HTT: variants seen among roughly 807,000 people sequenced by gnomAD.
HTT encodes the protein huntingtin.
HTT carries 104 observed loss-of-function variants against 362.3 expected under a neutral mutation model. The observed-to-expected ratio is 0.29, with a 90% CI of 0.24 to 0.34. The LOEUF (loss-of-function observed/expected upper bound fraction) is 0.34. HTT is among the 10% of genes least tolerant of loss of function. The probability of loss-of-function intolerance (pLI) is 1.00; values close to 1 mark genes in which losing one functional copy is unlikely to be tolerated. For synonymous variants in HTT, 1,577 were observed against 1,548.7 expected, an observed-to-expected ratio of 1.02 and a Z score of -0.43; for missense variants, 3,301 against 3,928.6, an observed-to-expected ratio of 0.84 and a Z score of 4.27.
intron 29 of HTT, among the ~76,000 whole-genome samples, chr4:3,171,469 A>G (rs1410422286): frequency 6.9e-6 from 1 of 144,432 alleles, no homozygotes; most frequent in African/African-American, 2.6e-5. Flanking sequence ...TTCTTTCTTG[A>G]TTCTTTTTTT....
intron 1 of HTT, among the ~76,000 whole-genome samples, chr4:3,076,414 T>C (rs561095622): frequency 1.6e-4 from 25 of 152,366 alleles, no homozygotes; most frequent in African/African-American, 5.5e-4. Flanking sequence ...GTTTCTGTTA[T>C]GATCCTTGTC....
Position 3,160,399 on chromosome 4 carries a change from G to T in HTT, c.3864+7G>T. ...ACTGCAGGACATTGGGAAGGTTTGTGTCTTGTTTTTTCTCCTTGGGTTGTG... is the reference window on the plus strand; with the variant it reads ...ACTGCAGGACATTGGGAAGGTTTGTTTCTTGTTTTTTCTCCTTGGGTTGTG... On this transcript the variant is annotated splice_region_variant and intron_variant, in intron 29 of 66. Coordinates refer to ENST00000355072, the MANE Select transcript of HTT (RefSeq NM_001388492.1). The T allele has an allele frequency of 6.5e-7, 1 of 1,528,436 alleles. No individual in the cohort carries two copies. The highest frequency in any genetic ancestry group is 2.4e-5 in the East Asian group (1 of 41,170). The allele number at this position is 1,528,436 out of a possible 1,614,324, so 94.7% of individuals were successfully genotyped here.
At chr4:3,161,253 A>G (rs898425468) in intron 29 of HTT, among the ~76,000 whole-genome samples, 13 of 152,152 alleles carry the variant, frequency 8.5e-5, no homozygotes, top group African/African-American at 3.1e-4. Context: ...ACATGAACTC[A>G]TCCTTTTTTA....
chr4:3,105,916 G>A (rs892838235), intron 5 of HTT, among the ~76,000 whole-genome samples: 2 of 152,172 alleles, frequency 1.3e-5, no homozygotes, highest in African/African-American at 4.8e-5. Flanking sequence ...GTATCTTAAC[G>A]GATTGAGAAA....
intron 9 of HTT, among the ~76,000 whole-genome samples, chr4:3,122,232 T>C (rs1292740659): frequency 6.6e-6 from 1 of 152,220 alleles, no homozygotes; most frequent in Non-Finnish European, 1.5e-5. Flanking sequence ...TGGTGGGTCC[T>C]GTCTGGCATG....
intron 29 of HTT, among the ~76,000 whole-genome samples, chr4:3,169,721 G>C (rs556926679): frequency 1.4e-4 from 22 of 151,972 alleles, no homozygotes; most frequent in Admixed American, 3.9e-4. Flanking sequence ...CTATAGGCAC[G>C]TGCCACCACA....
At chr4:3,111,901 C>T (rs1714771119) in intron 6 of HTT, among the ~76,000 whole-genome samples, 1 of 152,192 alleles carries the variant, frequency 6.6e-6, no homozygotes, top group South Asian at 2.1e-4. Context: ...AGCCCGAGCT[C>T]TTCTTGGCGT....
chr4:3,126,000 T>G (rs1386696706), intron 11 of HTT, among the ~76,000 whole-genome samples: 1 of 152,134 alleles, frequency 6.6e-6, no homozygotes, highest in East Asian at 1.9e-4. Flanking sequence ...CTATGGATAG[T>G]TTAACTTGAA....
intron 64 of HTT, 45 bp downstream of exon 64, chr4:3,236,299 C>A: frequency 7.3e-7 from 1 of 1,362,270 alleles, no homozygotes; most frequent in Non-Finnish European, 1.1e-6. Flanking sequence ...TTCCCTAGAA[C>A]TTTGGCCTGA....
intron 19 of HTT, 74 bp downstream of exon 19, chr4:3,134,614 A>G (rs957006070): frequency 1.5e-6 from 2 of 1,331,796 alleles, no homozygotes; most frequent in Non-Finnish European, 1.1e-6. Context: ...GATGCAAGGA[A>G]TGATGTTATC....
intron 9 of HTT, 130 bp from the exon 10 acceptor site, chr4:3,122,759 A>G: frequency 1.5e-6 from 1 of 646,872 alleles, no homozygotes; most frequent in Non-Finnish European, 2.7e-6. Context: ...TGCGATGTTA[A>G]GTGTTTCCTG....
At position 3,160,327 on chromosome 4, in the gene HTT, C is replaced by G; in HGVS notation, c.3799C>G (p.Leu1267Val). The change falls in exon 29 of 67, where the codon CTC becomes GTC. Residue 1267 changes from leucine to valine, a missense_variant. Leu to Val is a conservative substitution (Grantham distance 32, BLOSUM62 1). Coordinates refer to ENST00000355072, the MANE Select transcript of HTT (RefSeq NM_001388492.1). ...CAGCACGGAAAAGTTTGGAGGGTTT[C>G]TCCGCTCAGCCTTGGATGTTCTTTC... ...QNSTEKFGGF[L>V]RSALDVLSQI... 1 of 1,554,360 alleles carries G rather than the reference C, an allele frequency of 6.4e-7. No individual in the cohort carries two copies. The highest frequency in any genetic ancestry group is 2.4e-5 in the East Asian group (1 of 41,602).
rs1227375678 is a variant in HTT, at chr4:3,142,677, T to A, written c.2946-89T>A. 3 of 667,366 alleles carry A rather than the reference T, an allele frequency of 4.5e-6. No individual in the cohort carries two copies. In the Admixed American group the frequency reaches 9.1e-5, roughly 20 times the overall value. The allele number at this position is 667,366 out of a possible 1,614,324, so 41.3% of individuals were successfully genotyped here. A position where few individuals can be genotyped will look rare whatever the true frequency, so the allele number is the denominator to read the frequency against. Reference sequence around the variant, plus strand: ...GTTGAGACTGCTTAACTTTTTTTAATCTTTAATCTTAAACTTTTAAATGCC... The same window carrying A: ...GTTGAGACTGCTTAACTTTTTTTAAACTTTAATCTTAAACTTTTAAATGCC... On this transcript the variant is annotated intron_variant, in intron 22 of 66. Coordinates refer to ENST00000355072, the MANE Select transcript of HTT (RefSeq NM_001388492.1).
chr4:3,133,627 G>A (rs1470187870), intron 18 of HTT, among the ~76,000 whole-genome samples: 3 of 151,918 alleles, frequency 2.0e-5, no homozygotes, highest in African/African-American at 7.3e-5. Flanking sequence ...GTATAAAGTG[G>A]AATAGGCTCA....
chr4:3,170,955 G>C (rs1314518861), intron 29 of HTT, among the ~76,000 whole-genome samples: 2 of 152,152 alleles, frequency 1.3e-5, no homozygotes, highest in African/African-American at 2.4e-5. Flanking sequence ...CCTGGTACTT[G>C]GGGAGCTCTT....
intron 6 of HTT, among the ~76,000 whole-genome samples, chr4:3,111,713 C>G (rs1391110157): frequency 6.6e-6 from 1 of 152,104 alleles, no homozygotes; most frequent in Non-Finnish European, 1.5e-5. Context: ...GTAAACACCT[C>G]TTGAGATTAT....
chr4:3,200,119 A>G (rs1042316946), intron 41 of HTT, among the ~76,000 whole-genome samples, 180 bp downstream of exon 41: 1 of 152,230 alleles, frequency 6.6e-6, no homozygotes, highest in Non-Finnish European at 1.5e-5. Flanking sequence ...TGGGACAAAC[A>G]TGCGGTCCAG....
chr4:3,189,155 C>T lies in HTT; in HGVS notation c.5368+62C>T, dbSNP rs186446712. 16 of 1,498,740 alleles carry T rather than the reference C, an allele frequency of 1.1e-5. No homozygotes were observed. In the Admixed American group the frequency reaches 1.8e-4, roughly 16 times the overall value. The allele number at this position is 1,498,740 out of a possible 1,614,324, so 92.8% of individuals were successfully genotyped here. On this transcript the variant is annotated intron_variant, in intron 40 of 66. Transcript: ENST00000355072. ...TTCCCCATTCTGCACTATACACTCT[C>T]AGAGTGTAGGAGCTGTGCTGCCCGG...
In HTT at chr4:3,148,112, G is replaced by A; in HGVS notation, c.3403G>A (p.Val1135Met). The A allele has an allele frequency of 1.2e-6, 2 of 1,614,124 alleles. No homozygotes were observed. Among genetic ancestry groups the A allele is most frequent in the Non-Finnish European group, 1.7e-6 (2 of 1,180,010 alleles). Residue 1135 changes from valine to methionine, a missense_variant, in exon 26 of 67, where the codon GTG becomes ATG. Coordinates refer to ENST00000355072, the MANE Select transcript of HTT (RefSeq NM_001388492.1). ...VWPALGDRALVPMVEQLFSHL... is the reference protein window; with the variant it reads ...VWPALGDRALMPMVEQLFSHL... ...GCCAGCCCTGGGGGACCGGGCCCTG[G>A]TGCCCATGGTGGAGCAGCTCTTCTC... is the stretch of plus-strand genomic sequence containing the variant.
Sources: gnomAD v4.1 joint callset for allele counts (sites outside exome capture counted in the v4.1 genomes callset) on GRCh38, gnomAD v4.1.1 for gene constraint, MANE v1.5 for transcripts, NCBI Gene and HGNC (gene_info 2026-07-23, HGNC 2026-07-21) for gene names.